The following NCAM2 variants were observed in gnomAD, a reference collection of about 807,000 sequenced individuals.
The protein encoded by NCAM2 is neural cell adhesion molecule 2.
A neutral mutation model predicts 98.1 loss-of-function variants in NCAM2; 30 were observed. The observed-to-expected ratio is 0.31, with a 90% confidence interval of 0.23 to 0.41. The LOEUF (loss-of-function observed/expected upper bound fraction) is 0.41, where lower values mean the gene tolerates loss of function less well. Among genes scored for constraint, NCAM2 ranks in the 10% least tolerant of loss-of-function variants. The pLI is 1.00. For synonymous variants in NCAM2, 368 were observed against 342.4 expected (o/e 1.07, Z -0.83); for missense variants, 867 against 1,005.8 (o/e 0.86, Z 1.87).
chr21:21,233,932 T>C (rs1046810838), intron 1 of NCAM2, among the ~76,000 whole-genome samples: 1 of 151,764 alleles, frequency 6.6e-6, no homozygotes, highest in Non-Finnish European at 1.5e-5. Flanking sequence ...AAAGAAGTTA[T>C]AATTTTTATG....
At chr21:21,524,346 T>G (rs1223439006) in intron 16 of NCAM2, among the ~76,000 whole-genome samples, 1 of 151,754 alleles carries the variant, frequency 6.6e-6, no homozygotes, top group Non-Finnish European at 1.5e-5. Flanking sequence ...TTAATACAAC[T>G]TAATGAGAAA....
intron 1 of NCAM2, among the ~76,000 whole-genome samples, chr21:21,256,518 C>T (rs2071679789): frequency 6.6e-6 from 1 of 152,124 alleles, no homozygotes; most frequent in African/African-American, 2.4e-5. Flanking sequence ...CTTGCAAATG[C>T]AGTGAACTAT....
intron 11 of NCAM2, among the ~76,000 whole-genome samples, chr21:21,429,701 T>A (rs1458936415): frequency 1.3e-5 from 2 of 152,236 alleles, no homozygotes; most frequent in African/African-American, 4.8e-5. Context: ...ATTATTTAGA[T>A]ATCTTAAAAT....
At chr21:21,215,354 A>G (rs1281302438) in intron 1 of NCAM2, among the ~76,000 whole-genome samples, 2 of 152,184 alleles carry the variant, frequency 1.3e-5, no homozygotes, top group Admixed American at 1.3e-4. Context: ...TGAAAAATAT[A>G]AAGATCATTT....
intron 1 of NCAM2, among the ~76,000 whole-genome samples, chr21:21,112,367 GA>G (rs910520856): frequency 2.6e-5 from 4 of 152,096 alleles, no homozygotes; most frequent in Non-Finnish European, 4.4e-5. Flanking sequence ...GAAGCAGTGT[GA>G]AAAAAGTAGC....
At chr21:21,232,354 ATTAAC>A (rs1212796139) in intron 1 of NCAM2, among the ~76,000 whole-genome samples, 1 of 151,692 alleles carries the variant, frequency 6.6e-6, no homozygotes, top group African/African-American at 2.4e-5. Context: ...AAGCAAATAT[ATTAAC>A]TTGTTACATT....
chr21:21,033,713 CAGAA>C (rs1427617390), intron 1 of NCAM2, among the ~76,000 whole-genome samples: 4 of 152,104 alleles, frequency 2.6e-5, no homozygotes, highest in Non-Finnish European at 5.9e-5. Context: ...GAGCTGCCCT[CAGAA>C]AGAATAGATG....
At chr21:21,425,568 G>A (rs916995475) in intron 11 of NCAM2, among the ~76,000 whole-genome samples, 2 of 151,792 alleles carry the variant, frequency 1.3e-5, no homozygotes, top group East Asian at 3.9e-4. Context: ...CTGCTATGGA[G>A]AATATTAGAG....
intron 1 of NCAM2, among the ~76,000 whole-genome samples, chr21:21,253,976 AT>A (rs1289358517): frequency 2.0e-5 from 3 of 152,306 alleles, no homozygotes; most frequent in Middle Eastern, 3.4e-3. Flanking sequence ...GGATTATAAA[AT>A]TTAAGACCTA....
chr21:21,495,301 G>A (rs1351048759), intron 15 of NCAM2, among the ~76,000 whole-genome samples: 3 of 151,730 alleles, frequency 2.0e-5, no homozygotes, highest in African/African-American at 7.3e-5. Flanking sequence ...TCATATATAA[G>A]GGGCTGAGTC....
chr21:21,221,929 T>C (rs35189986), intron 1 of NCAM2, among the ~76,000 whole-genome samples: 49,868 of 151,976 alleles, frequency 0.33, 8,830 homozygotes, highest in Non-Finnish European at 0.4. Flanking sequence ...AAAGGACAGA[T>C]GTCTCTCTTG....
At chr21:21,381,102 C>T (rs2076144848) in intron 9 of NCAM2, among the ~76,000 whole-genome samples, 1 of 152,192 alleles carries the variant, frequency 6.6e-6, no homozygotes, top group African/African-American at 2.4e-5. Flanking sequence ...GACTGTAAAT[C>T]TCCTTATAAT....
At chr21:21,185,329 T>G (rs2068604748) in intron 1 of NCAM2, among the ~76,000 whole-genome samples, 1 of 152,134 alleles carries the variant, frequency 6.6e-6, no homozygotes, top group Admixed American at 6.6e-5. Flanking sequence ...AAGACTCATG[T>G]TGAAAGGTCT....
chr21:21,160,101 G>A lies in NCAM2; in HGVS notation c.56-120477G>A, dbSNP rs554112091. 2.6e-5 allele frequency among the ~76,000 whole-genome samples: 4 copies of A among 152,130 alleles called. No individual in the cohort carries two copies. The South Asian group carries it at 6.2e-4, about 24-fold the overall frequency. ...TTGATTTAGCATTTCTCAATAACAAGTCTTTTAAATATATGTACCGTGTAA... is the reference window on the plus strand; with the variant it reads ...TTGATTTAGCATTTCTCAATAACAAATCTTTTAAATATATGTACCGTGTAA... On this transcript the variant is annotated intron_variant, in intron 1 of 17. Transcript: ENST00000400546.
chr21:21,150,582 TC>T (rs1370113786), intron 1 of NCAM2, among the ~76,000 whole-genome samples: 1 of 152,108 alleles, frequency 6.6e-6, no homozygotes, highest in Non-Finnish European at 1.5e-5. Flanking sequence ...GAGGCATCTA[TC>T]TTTATGATCA....
chr21:21,065,038 G>C (rs571533540), intron 1 of NCAM2, among the ~76,000 whole-genome samples: 10 of 152,118 alleles, frequency 6.6e-5, no homozygotes, highest in African/African-American at 2.4e-4. Flanking sequence ...AAATTAGCCA[G>C]GCCTGATAGT....
chr21:21,395,759 G>C (rs1040929798), intron 9 of NCAM2, among the ~76,000 whole-genome samples: 3 of 152,062 alleles, frequency 2.0e-5, no homozygotes, highest in Non-Finnish European at 4.4e-5. Context: ...ACGTAAAGTG[G>C]GGAAAGGACA....
chr21:21,446,772 G>T (rs777567118), intron 12 of NCAM2, among the ~76,000 whole-genome samples: 13 of 151,992 alleles, frequency 8.6e-5, no homozygotes, highest in Non-Finnish European at 1.3e-4. Flanking sequence ...CAAGCAGAGA[G>T]CCAAATCACA....
intron 5 of NCAM2, among the ~76,000 whole-genome samples, chr21:21,318,570 G>A (rs1466786065): frequency 9.2e-5 from 14 of 151,880 alleles, no homozygotes; most frequent in African/African-American, 2.9e-4. Context: ...ATACTTCTCT[G>A]ATTATAAAAA....
Sources: gnomAD v4.1 joint callset for allele counts (sites outside exome capture counted in the v4.1 genomes callset) on GRCh38, gnomAD v4.1.1 for gene constraint, MANE v1.5 for transcripts, NCBI Gene and HGNC (gene_info 2026-07-23, HGNC 2026-07-21) for gene names.